COL4A4: variants seen among roughly 807,000 people sequenced by gnomAD.
The protein encoded by COL4A4 is collagen alpha-4(IV) chain.
Under a neutral mutation model 192.9 loss-of-function variants are expected in COL4A4, and 105 were observed. The observed-to-expected ratio is 0.54, with a 90% CI of 0.46 to 0.64. The LOEUF is 0.64. COL4A4 is among the 30% of genes least tolerant of loss of function. The pLI, the probability that COL4A4 is intolerant of heterozygous loss-of-function variation, is 0.00. For synonymous variants in COL4A4, 762 were observed against 769.9 expected (o/e 0.99, Z 0.17); for missense variants, 1,967 against 2,169.3 (o/e 0.91, Z 1.85).
chr2:227,136,098 A>C lies in COL4A4; in HGVS notation c.192+4063T>G, dbSNP rs114407389. On this transcript the variant is annotated intron_variant, in intron 4 of 47. Transcript: ENST00000396625. Reference sequence around the variant, plus strand: ...TCAAGGGTGTCCACAGTGGGTCAGGAATCAGGATCAACGTTTTACTTGTGT... The same window carrying C: ...TCAAGGGTGTCCACAGTGGGTCAGGCATCAGGATCAACGTTTTACTTGTGT... 5.7e-3 allele frequency among the ~76,000 whole-genome samples: 873 copies of C among 152,328 alleles called. 6 individuals are homozygous for C. Among genetic ancestry groups the C allele is most frequent in the African/African-American group, 0.019 (808 of 41,562 alleles).
intron 4 of COL4A4, among the ~76,000 whole-genome samples, chr2:227,121,561 C>CAAAA (rs766680844): frequency 8.5e-5 from 5 of 58,972 alleles, no homozygotes; most frequent in African/African-American, 1.1e-4. Context: ...GACCCTATCT[C>CAAAA]AAAAAAAAAA....
intron 7 of COL4A4, 47 bp from the exon 8 acceptor site, chr2:227,114,743 C>T (rs2061399825): frequency 7.2e-7 from 1 of 1,392,826 alleles, no homozygotes; most frequent in African/African-American, 1.4e-5. Context: ...AGCATATTAC[C>T]ATTTCAGTAT....
chr2:227,041,856 A>AAGAAAGAAAAAGAGAGAGAGAGAG (rs1971364446), intron 37 of COL4A4, among the ~76,000 whole-genome samples: 1 of 96,976 alleles, frequency 1.0e-5, no homozygotes. Context: ...AAGAGAAAGA[A>AAGAAAGAAAAAGAGAGAGAGAGAG]AGAAAGAAAG....
intron 1 of COL4A4, among the ~76,000 whole-genome samples, chr2:227,152,220 G>T (rs2063999005): frequency 6.6e-6 from 1 of 152,160 alleles, no homozygotes; most frequent in South Asian, 2.1e-4. Flanking sequence ...AAAAATTGGT[G>T]GTTGAGGGGT....
At chr2:227,041,804 GGAAGA>G (rs1971113096) in intron 37 of COL4A4, among the ~76,000 whole-genome samples, 1 of 50,384 alleles carries the variant, frequency 2.0e-5, no homozygotes, top group African/African-American at 9.8e-5. Context: ...AAGAAAGAAA[GGAAGA>G]AAGAAAGAAA....
chr2:227,108,696 G>A, intron 11 of COL4A4, 74 bp from the exon 12 acceptor site: 3 of 1,545,562 alleles, frequency 1.9e-6, no homozygotes, highest in Non-Finnish European at 2.7e-6. Context: ...TAAGACTTCT[G>A]GCTACACAAT....
chr2:227,120,988 G>A, intron 5 of COL4A4, 26 bp downstream of exon 5: 1 of 1,613,786 alleles, frequency 6.2e-7, no homozygotes, highest in South Asian at 1.1e-5. Context: ...TCTTTCATGT[G>A]AATCTCCACA....
chr2:227,075,825 A>T (rs986400057), intron 25 of COL4A4, among the ~76,000 whole-genome samples: 7 of 152,132 alleles, frequency 4.6e-5, no homozygotes, highest in Admixed American at 3.9e-4. Flanking sequence ...ATTCACAACC[A>T]TTCCTATACA....
At chr2:227,146,177 C>T (rs1008761777) in intron 2 of COL4A4, among the ~76,000 whole-genome samples, 11 of 152,158 alleles carry the variant, frequency 7.2e-5, no homozygotes, top group Non-Finnish European at 4.4e-5. Context: ...CAGAATGGCC[C>T]CGAGGGGGCC....
intron 43 of COL4A4, chr2:227,022,609 A>G (rs1966239818): frequency 1.9e-6 from 1 of 518,200 alleles, no homozygotes; most frequent in Non-Finnish European, 4.0e-6. Context: ...CTTACTCTAC[A>G]CTGCAGCCAC....
At chr2:227,113,932 G>A (rs1307485636) in intron 8 of COL4A4, among the ~76,000 whole-genome samples, 1 of 152,124 alleles carries the variant, frequency 6.6e-6, no homozygotes, top group Non-Finnish European at 1.5e-5. Context: ...TCCTGTTAAT[G>A]CATCATTTCC....
At chr2:227,053,010 C>A (rs2396445) in intron 31 of COL4A4, among the ~76,000 whole-genome samples, 1 of 151,818 alleles carries the variant, frequency 6.6e-6, no homozygotes, top group South Asian at 2.1e-4. Flanking sequence ...GTTGTTAAAC[C>A]ATTGCTAACT....
intron 44 of COL4A4, among the ~76,000 whole-genome samples, chr2:227,020,880 C>CTTTTTTTTTTTTTTTTTTTTT (rs57119611): frequency 7.8e-6 from 1 of 127,598 alleles, no homozygotes; most frequent in Admixed American, 8.2e-5. Flanking sequence ...ACACTTTTTT[C>CTTTTTTTTTTTTTTTTTTTTT]TTTTTTTTTT....
intron 25 of COL4A4, among the ~76,000 whole-genome samples, chr2:227,066,647 T>C (rs920015190): frequency 2.7e-5 from 4 of 149,026 alleles, no homozygotes; most frequent in East Asian, 2.0e-4. Flanking sequence ...AATAAAATAC[T>C]TTACAGACAA....
At chr2:227,160,239 T>C (rs930901810) in intron 1 of COL4A4, among the ~76,000 whole-genome samples, 2 of 152,222 alleles carry the variant, frequency 1.3e-5, no homozygotes, top group Non-Finnish European at 2.9e-5. Context: ...AAGGGGAACT[T>C]CTGGAAGCTT....
intron 37 of COL4A4, among the ~76,000 whole-genome samples, chr2:227,035,824 A>T (rs1199660866): frequency 6.6e-6 from 1 of 151,966 alleles, no homozygotes; most frequent in Non-Finnish European, 1.5e-5. Context: ...GCTGGGGTGG[A>T]ATGTCTCTGC....
chr2:227,062,312 C>A (rs1359120843), intron 26 of COL4A4, among the ~76,000 whole-genome samples: 1 of 151,622 alleles, frequency 6.6e-6, no homozygotes, highest in African/African-American at 2.4e-5. Context: ...TTTTATTGTA[C>A]AAAGATTTGA....
At position 227,125,657 on chromosome 2, in the gene COL4A4, C is replaced by T. The variant is rs189547676; in HGVS notation, c.193-4509G>A. 3.2e-3 allele frequency among the ~76,000 whole-genome samples: 495 copies of T among 152,310 alleles called. 3 individuals carry two copies. Among genetic ancestry groups the T allele is most frequent in the Non-Finnish European group, 4.6e-3 (315 of 68,028 alleles). On this transcript the variant is annotated intron_variant, in intron 4 of 47. Transcript: ENST00000396625. The stretch of plus-strand genomic sequence containing the variant: ...TCCCTGCACCAGATTTCTAGACAAG[C>T]TCTGTTCTTTCACAGCATTTGCGCA...
chr2:227,121,570 A>G (rs112684918), intron 4 of COL4A4, among the ~76,000 whole-genome samples: 3 of 133,320 alleles, frequency 2.3e-5, no homozygotes, highest in Admixed American at 7.4e-5. Flanking sequence ...TCAAAAAAAA[A>G]AAAAAAGAAA....
Sources: allele counts gnomAD v4.1 joint callset (sites outside exome capture counted in the v4.1 genomes callset), GRCh38; gene constraint gnomAD v4.1.1; transcripts MANE v1.5; gene names NCBI Gene and HGNC (gene_info 2026-07-23, HGNC 2026-07-21).